Variants in RGS5 observed in about 807,000 individuals in gnomAD.
The protein encoded by RGS5 is regulator of G-protein signalling 5.
Under a neutral mutation model 18.9 loss-of-function variants are expected in RGS5, and 20 were observed. The observed-to-expected ratio is 1.06, with a 90% CI of 0.74 to 1.54. RGS5 has a LOEUF of 1.54. Among genes scored for constraint, RGS5 ranks in the 40% most tolerant of loss-of-function variants. The pLI, the probability that RGS5 is intolerant of heterozygous loss-of-function variation, is 0.00. For missense variants in RGS5, 201 were observed against 211.8 expected, an observed-to-expected ratio of 0.95 and a Z score of 0.32; for synonymous variants, 57 against 76.2, an observed-to-expected ratio of 0.75 and a Z score of 1.31.
At chr1:163,209,453 A>G (rs1660048443) in intron 1 of RGS5, among the ~76,000 whole-genome samples, 1 of 152,176 alleles carries the variant, frequency 6.6e-6, no homozygotes, top group African/African-American at 2.4e-5. Flanking sequence ...TAAATTTATA[A>G]ATGAATTTAG....
chr1:163,259,443 C>T (rs1450782330), intron 2 of RGS5, among the ~76,000 whole-genome samples: 1 of 151,862 alleles, frequency 6.6e-6, no homozygotes, highest in Non-Finnish European at 1.5e-5. Context: ...GGATTACAGG[C>T]GTGAGCCACC....
intron 2 of RGS5, among the ~76,000 whole-genome samples, chr1:163,262,957 G>A (rs1287740700): frequency 6.6e-6 from 1 of 152,084 alleles, no homozygotes; most frequent in Non-Finnish European, 1.5e-5. Flanking sequence ...GGGCATGGAG[G>A]TGCAATTAAT....
intron 2 of RGS5, among the ~76,000 whole-genome samples, chr1:163,233,867 T>C (rs1244958089): frequency 6.6e-6 from 1 of 152,182 alleles, no homozygotes; most frequent in Non-Finnish European, 1.5e-5. Flanking sequence ...ACAAAGTCAG[T>C]TGATCAGTTA....
intron 2 of RGS5, 92 bp downstream of exon 2, chr1:163,168,166 G>A (rs771964715): frequency 2.5e-5 from 22 of 889,132 alleles, no homozygotes; most frequent in Non-Finnish European, 3.6e-5. Flanking sequence ...AGTAATTGAA[G>A]GGGGTAGTTC....
rs550602265 is a variant in RGS5 at position 163,284,459 on chromosome 1, CT to C, written c.-281+21773del. ...CACAGTGCAGACACTATTTAAATAT[CT>C]TTTTTTTCTTACTTTGAGCATATCT... On this transcript the variant is annotated intron_variant, in intron 2 of 5. Transcript: ENST00000618415. 5.5e-3 allele frequency among the ~76,000 whole-genome samples: 832 copies of C among 152,126 alleles called. 8 individuals are homozygous for C. Among genetic ancestry groups the C allele is most frequent in the African/African-American group, 0.019 (793 of 41,494 alleles).
chr1:163,309,482 T>C (rs1286199371), intron 1 of RGS5, among the ~76,000 whole-genome samples: 1 of 139,154 alleles, frequency 7.2e-6, no homozygotes, highest in Non-Finnish European at 1.6e-5. Context: ...CAGCAATAGA[T>C]TCCATCTAAG....
At chr1:163,187,891 G>C (rs1213060303) in intron 1 of RGS5, among the ~76,000 whole-genome samples, 2 of 152,142 alleles carry the variant, frequency 1.3e-5, no homozygotes, top group Non-Finnish European at 2.9e-5. Flanking sequence ...CTGGTAGGGG[G>C]AGTGGTCTTG....
intron 1 of RGS5, among the ~76,000 whole-genome samples, chr1:163,215,074 G>C (rs1315909496): frequency 1.3e-5 from 2 of 152,090 alleles, no homozygotes; most frequent in Non-Finnish European, 2.9e-5. Context: ...AGCTAGTTTT[G>C]TGTATTTATT....
At chr1:163,185,425 T>A (rs756983123) in intron 1 of RGS5, among the ~76,000 whole-genome samples, 1 of 152,186 alleles carries the variant, frequency 6.6e-6, no homozygotes, top group African/African-American at 2.4e-5. Context: ...GAAGAATGAA[T>A]TCATCATCTG....
At chr1:163,201,483 A>T (rs892673680) in intron 1 of RGS5, among the ~76,000 whole-genome samples, 11 of 152,168 alleles carry the variant, frequency 7.2e-5, no homozygotes, top group Non-Finnish European at 1.3e-4. Context: ...ATGTAAATTT[A>T]AAAAACAATA....
upstream of RGS5, among the ~76,000 whole-genome samples, chr1:163,222,169 C>T (rs368144117): frequency 9.9e-5 from 15 of 152,260 alleles, no homozygotes; most frequent in East Asian, 2.7e-3. Flanking sequence ...AGTTCGTGAC[C>T]TGTTAGGAAC....
At position 163,145,349 on chromosome 1, in the gene RGS5, C is replaced by G. The variant is rs544946344; in HGVS notation, c.*1993G>C. On this transcript the variant is annotated 3_prime_UTR_variant, in exon 5 of 5. Transcript: ENST00000313961. ...TAGCGTTTATGAAAAAATAATGCACCAAGATTTTGGATTTCTAACATTTCT... is the reference window on the plus strand; with the variant it reads ...TAGCGTTTATGAAAAAATAATGCACGAAGATTTTGGATTTCTAACATTTCT... 6.6e-6 allele frequency: 1 copy of G among 151,878 alleles called. No homozygotes were observed. Among genetic ancestry groups the G allele is most frequent in the Non-Finnish European group, 1.5e-5 (1 of 67,960 alleles). 9.4% of individuals were successfully genotyped at this position (151,878 alleles called of 1,614,324 possible). A position where few individuals can be genotyped will look rare whatever the true frequency, so the allele number is the denominator to read the frequency against.
chr1:163,204,991 C>T (rs181378823), upstream of RGS5, among the ~76,000 whole-genome samples: 7 of 152,258 alleles, frequency 4.6e-5, no homozygotes, highest in East Asian at 1.2e-3. Context: ...TAAAAATTAT[C>T]TCAATTTACT....
chr1:163,315,974 C>T (rs867618839), intron 1 of RGS5, among the ~76,000 whole-genome samples: 3 of 152,136 alleles, frequency 2.0e-5, no homozygotes, highest in South Asian at 2.1e-4. Context: ...AATGCAACAG[C>T]GCCACCCAGT....
intron 2 of RGS5, among the ~76,000 whole-genome samples, chr1:163,167,431 C>A (rs1273770381): frequency 6.6e-6 from 1 of 152,104 alleles, no homozygotes; most frequent in Non-Finnish European, 1.5e-5. Flanking sequence ...CTGCAGCTAG[C>A]AGGGATGATG....
At position 163,161,270 on chromosome 1, in the gene RGS5, C is replaced by T. The variant is rs140891215; in HGVS notation, c.217+645G>A. The stretch of plus-strand genomic sequence containing the variant: ...TGATCTTGAACATCAGAAATTTGAA[C>T]TTGGTACTGTAAGCCATGGGAATCA... On this transcript the variant is annotated intron_variant, in intron 3 of 4. Transcript: ENST00000313961. 4.5e-3 allele frequency among the ~76,000 whole-genome samples: 687 copies of T among 152,294 alleles called. 5 individuals are homozygous for T. The highest frequency in any genetic ancestry group is 0.016 in the African/African-American group (661 of 41,564).
chr1:163,252,231 G>C (rs558798427), intron 2 of RGS5, among the ~76,000 whole-genome samples: 1 of 152,182 alleles, frequency 6.6e-6, no homozygotes, highest in South Asian at 2.1e-4. Flanking sequence ...TAATAATTTT[G>C]CATTCATATA....
At chr1:163,151,391 G>C (rs766609237) in intron 4 of RGS5, among the ~76,000 whole-genome samples, 1 of 152,096 alleles carries the variant, frequency 6.6e-6, no homozygotes. Context: ...AATGGGAATG[G>C]AAAGAAAAAC....
At chr1:163,204,131 A>T (rs1659876389), upstream of RGS5, among the ~76,000 whole-genome samples, 1 of 152,156 alleles carries the variant, frequency 6.6e-6, no homozygotes, top group African/African-American at 2.4e-5. Context: ...TTATGACCTG[A>T]TGTTTTTAAT....
Sources: allele counts gnomAD v4.1 joint callset (sites outside exome capture counted in the v4.1 genomes callset), GRCh38; gene constraint gnomAD v4.1.1; transcripts MANE v1.5; gene names NCBI Gene and HGNC (gene_info 2026-07-23, HGNC 2026-07-21).